Variants in AR observed in about 807,000 individuals in gnomAD.
The protein encoded by AR is dihydrotestosterone receptor.
AR carries 8 observed loss-of-function variants against 53.9 expected under a neutral mutation model. The observed-to-expected ratio is 0.15, with a 90% confidence interval of 0.09 to 0.27. The LOEUF is 0.27. Among genes scored for constraint, AR ranks in the 10% least tolerant of loss-of-function variants. The probability of loss-of-function intolerance (pLI) is 1.00; values close to 1 mark genes in which losing one functional copy is unlikely to be tolerated. For missense variants in AR, 639 were observed against 742.5 expected (o/e 0.86, Z 1.62); for synonymous variants, 359 against 316.4 (o/e 1.13, Z -1.43).
intron 3 of AR, among the ~76,000 whole-genome samples, chrX:67,690,117 C>A (rs2075987759): frequency 8.9e-6 from 1 of 111,949 alleles, no homozygotes; most frequent in African/African-American, 3.2e-5. Flanking sequence ...TTTCAGGTAG[C>A]AGCCAAACCC....
At chrX:67,632,536 T>C (rs1925210938) in intron 1 of AR, among the ~76,000 whole-genome samples, 1 of 112,136 alleles carries the variant, frequency 8.9e-6, no homozygotes, top group Non-Finnish European at 1.9e-5. Context: ...CTGCGCCCAC[T>C]GTCTGGCACT....
intron 3 of AR, among the ~76,000 whole-genome samples, chrX:67,710,225 T>A (rs2076088261): frequency 8.9e-6 from 1 of 112,020 alleles, no homozygotes; most frequent in Non-Finnish European, 1.9e-5. Flanking sequence ...AGCAATCGGC[T>A]AGACATGCTA....
At chrX:67,659,400 A>G (rs890888976) in intron 2 of AR, among the ~76,000 whole-genome samples, 2 of 110,094 alleles carry the variant, frequency 1.8e-5, no homozygotes, top group African/African-American at 3.3e-5. Context: ...CTAGTGTGTG[A>G]TGTTCCCCTT....
At chrX:67,608,686 A>G (rs1368283939) in intron 1 of AR, among the ~76,000 whole-genome samples, 1 of 112,155 alleles carries the variant, frequency 8.9e-6, no homozygotes, top group Non-Finnish European at 1.9e-5. Flanking sequence ...AATGTTAAAA[A>G]CAAGTAAAAC....
At chrX:67,602,355 C>T (rs1923412970) in intron 1 of AR, among the ~76,000 whole-genome samples, 1 of 111,714 alleles carries the variant, frequency 9.0e-6, no homozygotes, top group Non-Finnish European at 1.9e-5. Context: ...AATACCTTGT[C>T]CTTGTATGAT....
chrX:67,665,641 C>T (rs915840543), intron 2 of AR, among the ~76,000 whole-genome samples: 19 of 111,253 alleles, frequency 1.7e-4, no homozygotes, highest in Admixed American at 9.6e-5. Flanking sequence ...CATGTACACA[C>T]ACATCTAATA....
intron 1 of AR, among the ~76,000 whole-genome samples, chrX:67,637,821 A>G (rs1925525614): frequency 9.0e-6 from 1 of 110,500 alleles, no homozygotes; most frequent in Non-Finnish European, 1.9e-5. Context: ...TTATCTGATA[A>G]CTTTTTTTTC....
chrX:67,667,676 A>G (rs1485720161), intron 2 of AR, among the ~76,000 whole-genome samples: 3 of 111,760 alleles, frequency 2.7e-5, no homozygotes, highest in Non-Finnish European at 3.8e-5. Flanking sequence ...AACAATATCA[A>G]TTCTTGAAAT....
chrX:67,556,379 C>T (rs1207983216), intron 1 of AR, among the ~76,000 whole-genome samples: 2 of 111,709 alleles, frequency 1.8e-5, no homozygotes, highest in South Asian at 3.8e-4. Flanking sequence ...GGTATCAATA[C>T]TAGAAATTTA....
At chrX:67,604,863 C>T (rs1040578028) in intron 1 of AR, among the ~76,000 whole-genome samples, 1 of 111,508 alleles carries the variant, frequency 9.0e-6, no homozygotes, top group African/African-American at 3.3e-5. Flanking sequence ...GATATATATT[C>T]CTCTGCACTC....
intron 1 of AR, among the ~76,000 whole-genome samples, chrX:67,551,507 C>T (rs1929996640): frequency 9.0e-6 from 1 of 111,385 alleles, no homozygotes; most frequent in Non-Finnish European, 1.9e-5. Flanking sequence ...GCATTGGTTG[C>T]CCTTTGTCGT....
chrX:67,599,980 T>C (rs1300467191), intron 1 of AR, among the ~76,000 whole-genome samples: 1 of 111,523 alleles, frequency 9.0e-6, no homozygotes, highest in Non-Finnish European at 1.9e-5. Flanking sequence ...TACCAACATA[T>C]TATATAGTTG....
At chrX:67,681,752 G>T (rs1359462457) in intron 2 of AR, among the ~76,000 whole-genome samples, 1 of 112,258 alleles carries the variant, frequency 8.9e-6, no homozygotes, top group Non-Finnish European at 1.9e-5. Flanking sequence ...ACAATACTTT[G>T]CAGGGATGCT....
intron 2 of AR, among the ~76,000 whole-genome samples, chrX:67,678,694 C>T (rs1366538457): frequency 9.0e-6 from 1 of 111,621 alleles, no homozygotes; most frequent in Non-Finnish European, 1.9e-5. Context: ...CACCCTACAA[C>T]CTCAAGTAGG....
chrX:67,568,553 C>T (rs922824741), intron 1 of AR, among the ~76,000 whole-genome samples: 6 of 111,495 alleles, frequency 5.4e-5, no homozygotes, highest in African/African-American at 2.0e-4. Context: ...GTGGGTTCTG[C>T]GGTACCAACT....
At chrX:67,721,731 C>T (rs1215834962) in intron 5 of AR, 102 bp from the exon 6 acceptor site, 1 of 1,098,846 alleles carries the variant, frequency 9.1e-7, no homozygotes, top group African/African-American at 1.8e-5. Flanking sequence ...ACAGCAAGCT[C>T]TTCTTGGAAA....
At chrX:67,634,824 G>A (rs1213733346) in intron 1 of AR, among the ~76,000 whole-genome samples, 3 of 111,579 alleles carry the variant, frequency 2.7e-5, no homozygotes, top group Non-Finnish European at 5.7e-5. Flanking sequence ...AAAAAGTCAT[G>A]TAGGGATGTC....
intron 2 of AR, among the ~76,000 whole-genome samples, chrX:67,659,862 C>T (rs1184049841): frequency 5.4e-5 from 6 of 111,710 alleles, no homozygotes; most frequent in South Asian, 3.7e-4. Context: ...TATTTCTCCA[C>T]GTCCTCTCCA....
intron 1 of AR, among the ~76,000 whole-genome samples, chrX:67,561,819 T>G (rs747320267): frequency 1.8e-5 from 2 of 111,240 alleles, no homozygotes; most frequent in Admixed American, 9.6e-5. Flanking sequence ...TAACTATTGT[T>G]TCAACGTACC....
Sources: gnomAD v4.1 joint callset for allele counts (sites outside exome capture counted in the v4.1 genomes callset) on GRCh38, gnomAD v4.1.1 for gene constraint, MANE v1.5 for transcripts, NCBI Gene and HGNC (gene_info 2026-07-23, HGNC 2026-07-21) for gene names.